The following KCNMA1 variants were observed in gnomAD, a reference collection of about 807,000 sequenced individuals.
KCNMA1 encodes Calcium-activated potassium channel subunit alpha-1.
KCNMA1 carries 29 observed loss-of-function variants against 140.0 expected under a neutral mutation model. The observed-to-expected ratio is 0.21, with a 90% CI of 0.15 to 0.28. The LOEUF is 0.28. Ranked by LOEUF, KCNMA1 falls within the 10% of genes least tolerant of loss-of-function variation. The pLI, the probability that KCNMA1 is intolerant of heterozygous loss-of-function variation, is 1.00. For synonymous variants in KCNMA1, 612 were observed against 611.9 expected (o/e 1.00, Z 0.00); for missense variants, 880 against 1,602.2 (o/e 0.55, Z 7.70).
At chr10:77,377,260 G>A (rs1234172559) in intron 2 of KCNMA1, among the ~76,000 whole-genome samples, 1 of 152,124 alleles carries the variant, frequency 6.6e-6, no homozygotes, top group African/African-American at 2.4e-5. Context: ...CAGCCCACAG[G>A]AGAACAGCAT....
Position 77,335,373 on chromosome 10 carries a change from T to C in KCNMA1, c.540+68489A>G, listed in dbSNP as rs1405625892. ...TCTGCCCACAAGCACTAAAATAAGATTCCTCTGATCTTAAAAGAAAAGTGT... is the reference window on the plus strand; with the variant it reads ...TCTGCCCACAAGCACTAAAATAAGACTCCTCTGATCTTAAAAGAAAAGTGT... On this transcript the variant is annotated intron_variant, in intron 2 of 27. Transcript: ENST00000286628. Among the ~76,000 whole-genome samples, 3 of 152,194 alleles carry C rather than the reference T, an allele frequency of 2.0e-5. No individual in the cohort carries two copies. In the South Asian group the frequency reaches 6.2e-4, roughly 32 times the overall value.
chr10:77,402,805 T>C (rs1323779840), intron 2 of KCNMA1, among the ~76,000 whole-genome samples: 1 of 152,206 alleles, frequency 6.6e-6, no homozygotes, highest in Non-Finnish European at 1.5e-5. Flanking sequence ...AGGATGTCCC[T>C]ACTCCTTCCA....
At chr10:77,429,417 A>T (rs563522885) in intron 1 of KCNMA1, among the ~76,000 whole-genome samples, 4 of 152,278 alleles carry the variant, frequency 2.6e-5, no homozygotes, top group African/African-American at 9.6e-5. Flanking sequence ...CTTAATTGTG[A>T]CAACTAAAAT....
At chr10:77,542,913 TTCC>T (rs1179129625) in intron 1 of KCNMA1, among the ~76,000 whole-genome samples, 3 of 152,218 alleles carry the variant, frequency 2.0e-5, no homozygotes, top group Non-Finnish European at 4.4e-5. Context: ...ACATCATTTC[TTCC>T]TCTTTTCTGA....
intron 1 of KCNMA1, among the ~76,000 whole-genome samples, chr10:77,526,115 C>T (rs1020670476): frequency 6.6e-6 from 1 of 152,166 alleles, no homozygotes; most frequent in Non-Finnish European, 1.5e-5. Flanking sequence ...ATCTTGCGGC[C>T]ATGAGAGAAA....
In KCNMA1 at chr10:76,935,579, T is replaced by C. The variant is rs375811815; in HGVS notation, c.2902+9194A>G. ...AGGTTGTCAGGGAGATTAAATAAGA[T>C]ATTACATAGGAATGTGTCTGGTGTA... On this transcript the variant is annotated intron_variant, in intron 23 of 27. Transcript: ENST00000286628. 4.2e-4 allele frequency among the ~76,000 whole-genome samples: 64 copies of C among 152,228 alleles called. 3 individuals are homozygous for C. The highest frequency in any genetic ancestry group is 1.5e-3 in the African/African-American group (63 of 41,554).
chr10:77,030,199 GC>G (rs2093826565), intron 15 of KCNMA1, among the ~76,000 whole-genome samples: 1 of 152,108 alleles, frequency 6.6e-6, no homozygotes, highest in Non-Finnish European at 1.5e-5. Context: ...TCTGATTCCT[GC>G]CAGCAGAATC....
chr10:77,269,263 T>C (rs73283938), intron 2 of KCNMA1, among the ~76,000 whole-genome samples: 2,537 of 152,340 alleles, frequency 0.017, 56 homozygotes, highest in African/African-American at 0.058. Flanking sequence ...AAATCCATAC[T>C]GAGTTGTTAA....
At chr10:77,630,962 C>T (rs1384544656) in intron 1 of KCNMA1, among the ~76,000 whole-genome samples, 1 of 151,744 alleles carries the variant, frequency 6.6e-6, no homozygotes, top group Non-Finnish European at 1.5e-5. Context: ...AAAACCTAGC[C>T]AGGTGTGGTG....
In KCNMA1 at chr10:76,906,765, G is replaced by A. The variant is rs2047992386; in HGVS notation, c.3147+3201C>T. 2.6e-5 allele frequency among the ~76,000 whole-genome samples: 4 copies of A among 152,020 alleles called. No homozygotes were observed. In the South Asian group the frequency reaches 8.3e-4, roughly 32 times the overall value. ...TTTTGTTCCTTCTAGTTACTGCCTTGGCACTTGACTAATCTGTTTTTTCAT... is the reference window on the plus strand; with the variant it reads ...TTTTGTTCCTTCTAGTTACTGCCTTAGCACTTGACTAATCTGTTTTTTCAT... On this transcript the variant is annotated intron_variant, in intron 25 of 27. Coordinates refer to ENST00000286628, the MANE Select transcript of KCNMA1 (RefSeq NM_001161352.2).
At chr10:76,946,874 C>CT (rs2064137661) in intron 22 of KCNMA1, among the ~76,000 whole-genome samples, 1 of 152,156 alleles carries the variant, frequency 6.6e-6, no homozygotes, top group African/African-American at 2.4e-5. Context: ...TGGGCTGGCC[C>CT]TATAGGCAGG....
At chr10:77,237,526 G>C (rs756087105) in intron 3 of KCNMA1, among the ~76,000 whole-genome samples, 2 of 152,122 alleles carry the variant, frequency 1.3e-5, no homozygotes, top group Non-Finnish European at 2.9e-5. Flanking sequence ...GGTGCAACCA[G>C]GGCTCACTTC....
intron 6 of KCNMA1, among the ~76,000 whole-genome samples, chr10:77,115,312 T>A: frequency 6.6e-6 from 1 of 152,244 alleles, no homozygotes; most frequent in East Asian, 1.9e-4. Context: ...TTTCTAGAGT[T>A]ACCAGATTAT....
At chr10:77,426,100 C>T (rs193026358) in intron 1 of KCNMA1, among the ~76,000 whole-genome samples, 27 of 152,300 alleles carry the variant, frequency 1.8e-4, no homozygotes, top group African/African-American at 6.0e-4. Context: ...GTAAAATGAG[C>T]ATATGAGTCC....
intron 19 of KCNMA1, chr10:76,977,446 C>T (rs1394679049): frequency 3.1e-6 from 2 of 654,794 alleles, no homozygotes; most frequent in East Asian, 5.5e-5. Flanking sequence ...TGTTGGTTTA[C>T]CAGCCATCCC....
At chr10:77,022,062 C>T (rs1052099150) in intron 16 of KCNMA1, among the ~76,000 whole-genome samples, 3 of 152,138 alleles carry the variant, frequency 2.0e-5, no homozygotes, top group Non-Finnish European at 4.4e-5. Flanking sequence ...AACCTTCTCC[C>T]CCTTTTGCCT....
At chr10:77,388,805 G>A (rs1368936588) in intron 2 of KCNMA1, among the ~76,000 whole-genome samples, 1 of 152,112 alleles carries the variant, frequency 6.6e-6, no homozygotes, top group East Asian at 1.9e-4. Context: ...AAGAGGAATT[G>A]TATCTCTTGG....
chr10:77,476,183 GA>G (rs996043017), intron 1 of KCNMA1, among the ~76,000 whole-genome samples: 2 of 152,168 alleles, frequency 1.3e-5, no homozygotes, highest in Non-Finnish European at 2.9e-5. Context: ...ACTGGAATTA[GA>G]AATTCTAATT....
intron 2 of KCNMA1, among the ~76,000 whole-genome samples, chr10:77,353,350 T>C (rs1475600483): frequency 1.3e-5 from 2 of 152,150 alleles, no homozygotes; most frequent in African/African-American, 4.8e-5. Flanking sequence ...AAGGATCATA[T>C]TGGCAGCAAG....
Sources: gnomAD v4.1 joint callset for allele counts (sites outside exome capture counted in the v4.1 genomes callset) on GRCh38, gnomAD v4.1.1 for gene constraint, MANE v1.5 for transcripts, NCBI Gene and HGNC (gene_info 2026-07-23, HGNC 2026-07-21) for gene names.